GATA4: variants seen among roughly 807,000 people sequenced by gnomAD.
GATA4 encodes GATA binding protein 4.
A neutral mutation model predicts 37.9 loss-of-function variants in GATA4; 7 were observed. The ratio of observed to expected loss-of-function variants is 0.18; its 90% CI spans 0.11 to 0.35. The LOEUF (loss-of-function observed/expected upper bound fraction) is 0.35. Ranked by LOEUF, GATA4 falls within the 10% of genes least tolerant of loss-of-function variation. The pLI is 1.00. For synonymous variants in GATA4, 372 were observed against 292.6 expected, an observed-to-expected ratio of 1.27 and a Z score of -2.77; for missense variants, 647 against 653.0, an observed-to-expected ratio of 0.99 and a Z score of 0.10.
intron 2 of GATA4, among the ~76,000 whole-genome samples, chr8:11,737,278 T>G (rs1314200211): frequency 6.6e-6 from 1 of 152,118 alleles, no homozygotes; most frequent in East Asian, 1.9e-4. Flanking sequence ...TCACATTATA[T>G]CTCCATAAAT....
intron 2 of GATA4, among the ~76,000 whole-genome samples, chr8:11,712,867 A>C (rs778790676): frequency 5.3e-5 from 8 of 152,138 alleles, no homozygotes; most frequent in Non-Finnish European, 1.2e-4. Context: ...GTCTCAAAAA[A>C]AGAAAAAGAA....
At chr8:11,736,539 A>G (rs952579862) in intron 2 of GATA4, among the ~76,000 whole-genome samples, 82 of 152,378 alleles carry the variant, frequency 5.4e-4, no homozygotes, top group African/African-American at 1.9e-3. Flanking sequence ...AGCGCTTGGC[A>G]GGAACTCTGC....
intron 2 of GATA4, among the ~76,000 whole-genome samples, chr8:11,728,972 C>T (rs1374476723): frequency 6.6e-6 from 1 of 152,214 alleles, no homozygotes; most frequent in Non-Finnish European, 1.5e-5. Context: ...GTGGCTCACG[C>T]CTGTAATCCC....
chr8:11,682,816 G>T (rs1196778452), intron 1 of GATA4, among the ~76,000 whole-genome samples: 1 of 152,162 alleles, frequency 6.6e-6, no homozygotes, highest in South Asian at 2.1e-4. Context: ...GTGGCGATGT[G>T]GGGAGGGAGT....
At position 11,758,619 on chromosome 8, in the gene GATA4, A is replaced by T; in HGVS notation, c.*144A>T. On this transcript the variant is annotated 3_prime_UTR_variant, in exon 7 of 7. Transcript: ENST00000532059. ...AACTGGGAAGAAACTTGAAGTCGAC[A>T]ATCTGGTTAGGGGAAGCGGGTGTTG... 2 of 813,750 alleles carry T rather than the reference A, an allele frequency of 2.5e-6. No homozygotes were observed. The highest frequency in any genetic ancestry group is 1.4e-5 in the South Asian group (1 of 69,696). 50.4% of individuals were successfully genotyped at this position (813,750 alleles called of 1,614,324 possible).
At chr8:11,710,906 G>A (rs950495132) in intron 2 of GATA4, among the ~76,000 whole-genome samples, 12 of 152,212 alleles carry the variant, frequency 7.9e-5, no homozygotes, top group Non-Finnish European at 1.3e-4. Flanking sequence ...CGGATCACAA[G>A]GTCAGGAGTT....
Position 11,708,943 on chromosome 8 carries a change from G to A in GATA4, c.616+15G>A, listed in dbSNP as rs767068839. On this transcript the variant is annotated intron_variant, in intron 2 of 6. Transcript: ENST00000532059. This position sits in a 1 kb window ranked among gnomAD's most constrained non-coding sequence, Gnocchi z 6.7. ...CCCCAATCTCGGTGAGTAGGAGCGC[G>A]AGGGCTGGGGCGCGTGAGGGCCGGG... The A allele has an allele frequency of 2.1e-4, 324 of 1,520,558 alleles. 1 individual carries two copies. In the Middle Eastern group the frequency reaches 3.3e-3, roughly 15 times the overall value. 94.2% of individuals were successfully genotyped at this position (1,520,558 alleles called of 1,614,324 possible). A position where few individuals can be genotyped will look rare whatever the true frequency, so the allele number is the denominator to read the frequency against.
chr8:11,690,553 T>TA (rs1004647448), upstream of GATA4, among the ~76,000 whole-genome samples: 9 of 151,534 alleles, frequency 5.9e-5, no homozygotes, highest in East Asian at 3.9e-4. Context: ...GGATGGAAAT[T>TA]AAAAAAACAA....
chr8:11,747,693 A>G (rs1802098974), intron 2 of GATA4, among the ~76,000 whole-genome samples: 1 of 152,226 alleles, frequency 6.6e-6, no homozygotes, highest in Non-Finnish European at 1.5e-5. Context: ...ATAACTAGAA[A>G]TGCACAGACT....
chr8:11,731,847 T>G (rs1042683368), intron 2 of GATA4, among the ~76,000 whole-genome samples: 1 of 152,250 alleles, frequency 6.6e-6, no homozygotes, highest in Non-Finnish European at 1.5e-5. Flanking sequence ...TCTATTTGCT[T>G]CTTTGGCCAA....
intron 1 of GATA4, among the ~76,000 whole-genome samples, chr8:11,693,935 A>ATG (rs1243649444): frequency 1.3e-5 from 2 of 152,000 alleles, no homozygotes; most frequent in Non-Finnish European, 1.5e-5. Flanking sequence ...ATGTGTGTGC[A>ATG]TGTGTGTGTG....
chr8:11,716,014 T>C (rs1193857228), intron 2 of GATA4, among the ~76,000 whole-genome samples: 1 of 152,170 alleles, frequency 6.6e-6, no homozygotes, highest in South Asian at 2.1e-4. Flanking sequence ...AATGTCTTCA[T>C]GATTCATCCA....
At chr8:11,748,779 A>G in intron 2 of GATA4, 137 bp from the exon 3 acceptor site, 1 of 961,702 alleles carries the variant, frequency 1.0e-6, no homozygotes, top group East Asian at 2.4e-5. Context: ...AGGAAGAGCA[A>G]GAGCAGCCCG....
intron 2 of GATA4, among the ~76,000 whole-genome samples, chr8:11,719,693 G>A (rs1341328943): frequency 1.3e-5 from 2 of 152,078 alleles, no homozygotes; most frequent in Non-Finnish European, 2.9e-5. Context: ...TTATTAAGTA[G>A]TCGTGCAAGT....
At chr8:11,687,932 T>C (rs367662876), upstream of GATA4, among the ~76,000 whole-genome samples, 1 of 152,208 alleles carries the variant, frequency 6.6e-6, no homozygotes, top group East Asian at 1.9e-4. Flanking sequence ...CATGAGTTCA[T>C]GGAAAATGAC....
intron 1 of GATA4, among the ~76,000 whole-genome samples, chr8:11,693,522 A>AACACACACAC (rs140439542): frequency 2.0e-4 from 22 of 109,958 alleles, no homozygotes; most frequent in Admixed American, 1.0e-3. Flanking sequence ...ATTCAGCACA[A>AACACACACAC]ACACACACAC....
At chr8:11,688,047 C>T (rs1563187319), upstream of GATA4, among the ~76,000 whole-genome samples, 1 of 152,208 alleles carries the variant, frequency 6.6e-6, no homozygotes, top group Non-Finnish European at 1.5e-5. Flanking sequence ...TTAAACCCAA[C>T]TGAGTAAATG....
At chr8:11,730,097 G>A (rs1280646266) in intron 2 of GATA4, among the ~76,000 whole-genome samples, 1 of 152,002 alleles carries the variant, frequency 6.6e-6, no homozygotes, top group East Asian at 1.9e-4. Context: ...TATATTTTTT[G>A]GAGGTAGGGT....
At chr8:11,702,700 C>T (rs1799722938), upstream of GATA4, among the ~76,000 whole-genome samples, 1 of 151,850 alleles carries the variant, frequency 6.6e-6, no homozygotes, top group South Asian at 2.1e-4. The surrounding 1 kb of genome is among the most constrained non-coding windows in gnomAD (Gnocchi z 4.4). Flanking sequence ...GAGAAGAAAC[C>T]CTAAGTGTGT....
Sources: gnomAD v4.1 joint callset for allele counts (sites outside exome capture counted in the v4.1 genomes callset) on GRCh38, gnomAD v4.1.1 for gene constraint, Gnocchi (gnomAD v3.1) non-coding constraint, MANE v1.5 for transcripts, NCBI Gene and HGNC (gene_info 2026-07-23, HGNC 2026-07-21) for gene names.